The following DLG2 variants were observed in gnomAD, a reference collection of about 807,000 sequenced individuals.
DLG2 encodes discs large MAGUK scaffold protein 2, also known as disks large homolog 2.
Under a neutral mutation model 132.5 loss-of-function variants are expected in DLG2, and 45 were observed. The ratio of observed to expected loss-of-function variants is 0.34; its 90% CI spans 0.27 to 0.44. The LOEUF (loss-of-function observed/expected upper bound fraction) is 0.44, where lower values mean the gene tolerates loss of function less well. DLG2 is among the 20% of genes least tolerant of loss of function. DLG2 has a pLI of 1.00. For synonymous variants in DLG2, 424 were observed against 419.6 expected (o/e 1.01, Z -0.13); for missense variants, 1,045 against 1,196.9 (o/e 0.87, Z 1.87).
chr11:85,388,208 G>A (rs575770182), intron 3 of DLG2, among the ~76,000 whole-genome samples: 10 of 151,996 alleles, frequency 6.6e-5, no homozygotes, highest in Non-Finnish European at 1.0e-4. Context: ...CTGGTGACCC[G>A]TGTGACCCAG....
At chr11:84,181,862 G>T (rs988610662) in intron 8 of DLG2, among the ~76,000 whole-genome samples, 1 of 152,118 alleles carries the variant, frequency 6.6e-6, no homozygotes. Flanking sequence ...CTGAACAACA[G>T]AGTGCCAAAA....
intron 7 of DLG2, among the ~76,000 whole-genome samples, chr11:84,449,149 G>A (rs1440678381): frequency 1.3e-5 from 2 of 151,834 alleles, no homozygotes; most frequent in East Asian, 3.8e-4. Context: ...CCTATAAGCT[G>A]TCACATTTTT....
intron 8 of DLG2, among the ~76,000 whole-genome samples, chr11:84,237,102 G>C (rs2097168586): frequency 6.6e-6 from 1 of 151,684 alleles, no homozygotes; most frequent in Non-Finnish European, 1.5e-5. Flanking sequence ...CTAATTTTTT[G>C]TATTTTTAGT....
chr11:85,506,486 T>C (rs1565604101), intron 3 of DLG2, among the ~76,000 whole-genome samples: 1 of 152,232 alleles, frequency 6.6e-6, no homozygotes, highest in Non-Finnish European at 1.5e-5. Flanking sequence ...CAGTAATCAT[T>C]CAGGAGCAAG....
At chr11:83,673,104 C>G (rs865936859) in intron 18 of DLG2, among the ~76,000 whole-genome samples, 1 of 152,134 alleles carries the variant, frequency 6.6e-6, no homozygotes, top group Admixed American at 6.5e-5. Flanking sequence ...AAAAAAAACT[C>G]TCTGTGAGGT....
chr11:85,532,157 C>T (rs1389536217), intron 3 of DLG2, among the ~76,000 whole-genome samples: 4 of 152,166 alleles, frequency 2.6e-5, no homozygotes, highest in South Asian at 2.1e-4. Flanking sequence ...CTCTACACTA[C>T]GCAGTATATA....
chr11:84,390,713 G>C (rs2098789739), intron 7 of DLG2, among the ~76,000 whole-genome samples: 1 of 152,174 alleles, frequency 6.6e-6, no homozygotes, highest in African/African-American at 2.4e-5. Flanking sequence ...AAATTCCACT[G>C]TGGGGAATTT....
intron 15 of DLG2, among the ~76,000 whole-genome samples, chr11:83,893,228 A>G (rs1266162706): frequency 6.6e-6 from 1 of 152,236 alleles, no homozygotes; most frequent in Admixed American, 6.5e-5. Flanking sequence ...GTTACTTCTC[A>G]CTGACCAAGA....
intron 6 of DLG2, among the ~76,000 whole-genome samples, chr11:85,044,391 T>C (rs1464499838): frequency 1.3e-5 from 2 of 152,038 alleles, no homozygotes; most frequent in Non-Finnish European, 2.9e-5. Context: ...GAGTGTGTTG[T>C]GTGTTTATAA....
intron 6 of DLG2, among the ~76,000 whole-genome samples, chr11:84,845,707 A>C (rs1178049102): frequency 7.0e-6 from 1 of 142,406 alleles, no homozygotes; most frequent in Non-Finnish European, 1.5e-5. Context: ...TTGACACAGG[A>C]TCTCACTCTG....
chr11:85,180,899 A>C (rs2079646314), intron 4 of DLG2, among the ~76,000 whole-genome samples: 1 of 151,778 alleles, frequency 6.6e-6, no homozygotes, highest in South Asian at 2.1e-4. Context: ...CCAAAATTAC[A>C]CAGCTACCAA....
intron 6 of DLG2, among the ~76,000 whole-genome samples, chr11:84,549,692 T>C (rs1470226699): frequency 2.0e-5 from 3 of 152,162 alleles, no homozygotes; most frequent in Non-Finnish European, 4.4e-5. Flanking sequence ...CCAAACTCTT[T>C]GGGCCAGGAC....
At chr11:83,734,012 A>C (rs951986210) in intron 18 of DLG2, among the ~76,000 whole-genome samples, 13 of 151,854 alleles carry the variant, frequency 8.6e-5, no homozygotes, top group Non-Finnish European at 4.4e-5. Flanking sequence ...ATCAGTGAGA[A>C]CATGTGGTAG....
intron 6 of DLG2, among the ~76,000 whole-genome samples, chr11:84,856,968 G>A (rs1358116930): frequency 6.6e-6 from 1 of 151,836 alleles, no homozygotes; most frequent in Non-Finnish European, 1.5e-5. Context: ...ACAAGCCAAG[G>A]GAAGAGATCA....
intron 6 of DLG2, among the ~76,000 whole-genome samples, chr11:84,816,803 C>T (rs563749469): frequency 6.6e-6 from 1 of 151,990 alleles, no homozygotes; most frequent in Non-Finnish European, 1.5e-5. Flanking sequence ...TACATGAAAT[C>T]TCTGTGTAAA....
chr11:83,881,003 C>A (rs2066093071), intron 15 of DLG2, among the ~76,000 whole-genome samples: 1 of 151,430 alleles, frequency 6.6e-6, no homozygotes, highest in South Asian at 2.1e-4. Context: ...CTTCTGATAT[C>A]TATTAAGTTG....
At chr11:84,952,584 T>C (rs554537220) in intron 6 of DLG2, among the ~76,000 whole-genome samples, 1 of 150,944 alleles carries the variant, frequency 6.6e-6, no homozygotes, top group African/African-American at 2.4e-5. Flanking sequence ...GGTGCTGCAG[T>C]TTAATATTAA....
At chr11:83,514,320 GCT>G (rs1006975798) in intron 21 of DLG2, among the ~76,000 whole-genome samples, 1 of 151,956 alleles carries the variant, frequency 6.6e-6, no homozygotes, top group African/African-American at 2.4e-5. Flanking sequence ...TCATGATTTG[GCT>G]CTCTGTTTGT....
intron 7 of DLG2, among the ~76,000 whole-genome samples, chr11:84,320,637 T>C (rs1476299651): frequency 1.3e-5 from 2 of 152,234 alleles, no homozygotes; most frequent in East Asian, 1.9e-4. Flanking sequence ...ATACGTAAAG[T>C]ATTTTAGGCT....
Sources: allele counts gnomAD v4.1 joint callset (sites outside exome capture counted in the v4.1 genomes callset), GRCh38; gene constraint gnomAD v4.1.1; transcripts MANE v1.5; gene names NCBI Gene and HGNC (gene_info 2026-07-23, HGNC 2026-07-21).